Variants in OPCML observed in about 807,000 individuals in gnomAD.
OPCML encodes the protein opioid-binding protein/cell adhesion molecule.
Under a neutral mutation model 37.8 loss-of-function variants are expected in OPCML, and 13 were observed. That is an observed-to-expected ratio of 0.34 (90% CI 0.22 to 0.55). The LOEUF is 0.55. Ranked by LOEUF, OPCML falls within the 20% of genes least tolerant of loss-of-function variation. OPCML has a pLI of 0.91. For missense variants in OPCML, 341 were observed against 435.6 expected (o/e 0.78, Z 1.93); for synonymous variants, 176 against 168.8 (o/e 1.04, Z -0.33).
At chr11:132,881,474 T>G (rs1943221583) in intron 2 of OPCML, among the ~76,000 whole-genome samples, 1 of 152,138 alleles carries the variant, frequency 6.6e-6, no homozygotes, top group Non-Finnish European at 1.5e-5. Flanking sequence ...GCCTGCTGAC[T>G]AGGCTCCCTG....
intron 3 of OPCML, among the ~76,000 whole-genome samples, chr11:132,548,883 C>A (rs1401950000): frequency 6.6e-6 from 1 of 152,150 alleles, no homozygotes; most frequent in Non-Finnish European, 1.5e-5. Flanking sequence ...GGAATACAGA[C>A]ATATTGTAAA....
chr11:132,837,410 C>CT (rs1256510000), intron 2 of OPCML, among the ~76,000 whole-genome samples: 1 of 152,208 alleles, frequency 6.6e-6, no homozygotes, highest in Non-Finnish European at 1.5e-5. Flanking sequence ...ACTTCCTTCA[C>CT]TTATCCATGG....
At chr11:133,421,035 T>C (rs1945875803) in intron 1 of OPCML, 3 of 985,272 alleles carry the variant, frequency 3.0e-6, no homozygotes, top group South Asian at 4.7e-5. Context: ...TCATGGGGTG[T>C]AGATTTTGTC....
chr11:133,236,319 C>G (rs373587012), intron 1 of OPCML, among the ~76,000 whole-genome samples: 13 of 152,228 alleles, frequency 8.5e-5, no homozygotes, highest in African/African-American at 3.1e-4. Context: ...CAGGACGGCA[C>G]GAGGTCTCAT....
intron 1 of OPCML, among the ~76,000 whole-genome samples, chr11:133,105,960 C>T (rs185093632): frequency 0.012 from 1,730 of 150,042 alleles, 22 homozygotes; most frequent in African/African-American, 0.038. Flanking sequence ...CCAGCCTGGG[C>T]GACAGAGCAA....
At chr11:133,021,121 G>A (rs1041348943) in intron 1 of OPCML, among the ~76,000 whole-genome samples, 1 of 152,096 alleles carries the variant, frequency 6.6e-6, no homozygotes, top group Non-Finnish European at 1.5e-5. Context: ...CATTCCCATG[G>A]ACCAGACACT....
At chr11:133,335,140 C>A (rs557429561) in intron 1 of OPCML, among the ~76,000 whole-genome samples, 1 of 152,252 alleles carries the variant, frequency 6.6e-6, no homozygotes, top group African/African-American at 2.4e-5. Context: ...GTAAAATGTC[C>A]CCTTGGCAAC....
At chr11:132,794,825 G>A (rs747007873) in intron 2 of OPCML, among the ~76,000 whole-genome samples, 2 of 151,108 alleles carry the variant, frequency 1.3e-5, no homozygotes, top group Non-Finnish European at 2.9e-5. Flanking sequence ...TTCAAACAAT[G>A]CACTTTATAC....
At chr11:132,573,105 G>A (rs916945916) in intron 3 of OPCML, among the ~76,000 whole-genome samples, 19 of 151,566 alleles carry the variant, frequency 1.3e-4, no homozygotes, top group Non-Finnish European at 4.4e-5. Flanking sequence ...TTTCCATCCT[G>A]CAACTTTACA....
intron 3 of OPCML, among the ~76,000 whole-genome samples, chr11:132,589,203 G>C (rs1160537884): frequency 1.3e-5 from 2 of 152,042 alleles, no homozygotes; most frequent in Non-Finnish European, 2.9e-5. Flanking sequence ...AAAATGCATA[G>C]AAACCATTGT....
At chr11:133,245,935 T>C (rs985447393) in intron 1 of OPCML, among the ~76,000 whole-genome samples, 1 of 151,274 alleles carries the variant, frequency 6.6e-6, no homozygotes, top group South Asian at 2.1e-4. Flanking sequence ...CATGGACACA[T>C]GGAGGGGAAC....
At chr11:133,502,811 T>C (rs1947945166) in intron 1 of OPCML, among the ~76,000 whole-genome samples, 2 of 152,188 alleles carry the variant, frequency 1.3e-5, no homozygotes. Context: ...CCAGAATTCC[T>C]GAGATGGTAA....
intron 4 of OPCML, among the ~76,000 whole-genome samples, chr11:132,466,349 T>C (rs915725539): frequency 1.9e-4 from 28 of 147,868 alleles, no homozygotes; most frequent in African/African-American, 6.5e-4. Flanking sequence ...CCAGGTGTGG[T>C]GGCGGGCGCC....
chr11:132,802,314 C>T (rs984341394), intron 2 of OPCML, among the ~76,000 whole-genome samples: 3 of 152,112 alleles, frequency 2.0e-5, no homozygotes, highest in Admixed American at 6.6e-5. Flanking sequence ...CAAGCATTTC[C>T]GTGGCTTCTT....
intron 2 of OPCML, among the ~76,000 whole-genome samples, chr11:132,817,407 T>C (rs2136238733): frequency 6.6e-6 from 1 of 152,310 alleles, no homozygotes; most frequent in Non-Finnish European, 1.5e-5. Flanking sequence ...ATTGACCCTG[T>C]AGTCTTAGGT....
intron 1 of OPCML, among the ~76,000 whole-genome samples, chr11:133,151,177 G>T (rs1227594424): frequency 6.6e-6 from 1 of 152,006 alleles, no homozygotes; most frequent in East Asian, 1.9e-4. Flanking sequence ...GGAGGCTGAG[G>T]CAGGAGAATC....
At chr11:132,534,632 T>G (rs574601696) in intron 3 of OPCML, among the ~76,000 whole-genome samples, 47 of 152,278 alleles carry the variant, frequency 3.1e-4, no homozygotes, top group African/African-American at 9.4e-4. Flanking sequence ...GAAACGGAAG[T>G]GAGAGGCCAG....
intron 7 of OPCML, among the ~76,000 whole-genome samples, chr11:132,423,508 T>A (rs1357474226): frequency 6.6e-6 from 1 of 152,184 alleles, no homozygotes; most frequent in Non-Finnish European, 1.5e-5. Flanking sequence ...AGCTGGTACA[T>A]CTATGTACAC....
intron 1 of OPCML, among the ~76,000 whole-genome samples, chr11:133,182,454 G>A (rs1937877780): frequency 2.0e-5 from 3 of 151,940 alleles, no homozygotes; most frequent in Admixed American, 6.6e-5. Context: ...CCAGCTGCCT[G>A]CCAGTTATGT....
Sources: allele counts gnomAD v4.1 joint callset (sites outside exome capture counted in the v4.1 genomes callset), GRCh38; gene constraint gnomAD v4.1.1; transcripts MANE v1.5; gene names NCBI Gene and HGNC (gene_info 2026-07-23, HGNC 2026-07-21).